DIAPH2: variants seen among roughly 807,000 people sequenced by gnomAD.
DIAPH2 encodes the protein diaphanous related formin 2.
DIAPH2 carries 35 observed loss-of-function variants against 92.7 expected under a neutral mutation model. The ratio of observed to expected loss-of-function variants is 0.38; its 90% confidence interval spans 0.29 to 0.50. The LOEUF (loss-of-function observed/expected upper bound fraction) is 0.50. Ranked by LOEUF, DIAPH2 falls within the 20% of genes least tolerant of loss-of-function variation. DIAPH2 has a pLI of 0.94. For missense variants in DIAPH2, 701 were observed against 819.5 expected (o/e 0.86, Z 1.77); for synonymous variants, 301 against 280.4 (o/e 1.07, Z -0.73).
intron 26 of DIAPH2, among the ~76,000 whole-genome samples, chrX:97,451,970 A>AGTAAAAT (rs926487341): frequency 8.9e-6 from 1 of 111,745 alleles, no homozygotes; most frequent in African/African-American, 3.2e-5. Context: ...ATGCTATTGT[A>AGTAAAAT]GTAAAATTTT....
intron 26 of DIAPH2, among the ~76,000 whole-genome samples, chrX:97,501,168 C>T (rs1220339378): frequency 1.8e-5 from 2 of 109,706 alleles, no homozygotes; most frequent in Admixed American, 2.0e-4. Context: ...ACTCTTTTTA[C>T]GTACAGAGCT....
In DIAPH2 at chrX:97,543,236, C is replaced by T. The variant is rs368843364; in HGVS notation, c.3242-56017C>T. On this transcript the variant is annotated intron_variant, in intron 26 of 26. Transcript: ENST00000324765. ...AAGGGAGCTCAGGCTTCTTACATGG[C>T]GCATGTAATGTTCCAAGAAGTCAAG... 2.8e-4 allele frequency among the ~76,000 whole-genome samples: 31 copies of T among 111,805 alleles called. No individual in the cohort carries two copies. The South Asian group carries it at 5.3e-3, about 19-fold the overall frequency.
Position 97,600,711 on chromosome X carries a change from T to TAAGA in DIAPH2, c.*1397_*1400dup, listed in dbSNP as rs2071588679. 9.2e-6 allele frequency: 1 copy of TAAGA among 108,528 alleles called. No homozygotes were observed. Among genetic ancestry groups the TAAGA allele is most frequent in the Admixed American group, 1.0e-4 (1 of 9,946 alleles). The allele number at this position is 108,528 out of a possible 1,213,427, so 8.9% of individuals were successfully genotyped here. A position where few individuals can be genotyped will look rare whatever the true frequency, so the allele number is the denominator to read the frequency against. ...TGCAGATGATTGATTGTGATTATTG[T>TAAGA]AAGAAATTTCTTACATGTATATTTC... On this transcript the variant is annotated 3_prime_UTR_variant, in exon 27 of 27. Transcript: ENST00000324765.
chrX:96,712,326 G>A (rs2063923572), intron 1 of DIAPH2, among the ~76,000 whole-genome samples: 1 of 109,406 alleles, frequency 9.1e-6, no homozygotes, highest in African/African-American at 3.3e-5. Flanking sequence ...CTACCAGCTT[G>A]GCTTTTACTT....
intron 15 of DIAPH2, among the ~76,000 whole-genome samples, chrX:96,949,249 C>A (rs904374625): frequency 9.0e-6 from 1 of 110,839 alleles, no homozygotes; most frequent in Non-Finnish European, 1.9e-5. Flanking sequence ...GCTCAAATGG[C>A]CCTGAATATT....
At chrX:97,158,189 C>T (rs978409169) in intron 22 of DIAPH2, among the ~76,000 whole-genome samples, 7 of 111,800 alleles carry the variant, frequency 6.3e-5, no homozygotes, top group Non-Finnish European at 1.1e-4. Context: ...GCTATTTGGA[C>T]GATGATATTT....
intron 4 of DIAPH2, among the ~76,000 whole-genome samples, chrX:96,836,411 G>T (rs1295760531): frequency 9.2e-6 from 1 of 108,230 alleles, no homozygotes; most frequent in African/African-American, 3.4e-5. Flanking sequence ...GTACTCAAAG[G>T]CATATTGATT....
chrX:96,853,589 C>G (rs1451572296), intron 4 of DIAPH2, among the ~76,000 whole-genome samples: 1 of 111,254 alleles, frequency 9.0e-6, no homozygotes, highest in Non-Finnish European at 1.9e-5. Context: ...TATTCAAATA[C>G]ATTCACTTTA....
intron 17 of DIAPH2, among the ~76,000 whole-genome samples, chrX:97,072,237 C>T (rs888057082): frequency 4.5e-5 from 5 of 112,037 alleles, no homozygotes; most frequent in African/African-American, 1.6e-4. Context: ...CTTGGCACTG[C>T]TACTCCTTAC....
chrX:97,076,069 C>A (rs1161550068), intron 19 of DIAPH2, among the ~76,000 whole-genome samples: 1 of 112,361 alleles, frequency 8.9e-6, no homozygotes, highest in Non-Finnish European at 1.9e-5. Context: ...CTATACAGAG[C>A]TGACACATTA....
chrX:97,484,518 T>C (rs766845087), intron 26 of DIAPH2, among the ~76,000 whole-genome samples: 2 of 112,376 alleles, frequency 1.8e-5, no homozygotes, highest in African/African-American at 6.4e-5. Context: ...CTATGGGTTG[T>C]TCATATTGCG....
chrX:97,529,535 T>A (rs760993825), intron 26 of DIAPH2, among the ~76,000 whole-genome samples: 2 of 112,206 alleles, frequency 1.8e-5, no homozygotes, highest in African/African-American at 6.5e-5. Flanking sequence ...TCTGCCCTCA[T>A]ATGTTTTACA....
At chrX:96,930,344 A>G (rs2065611341) in intron 9 of DIAPH2, among the ~76,000 whole-genome samples, 1 of 110,715 alleles carries the variant, frequency 9.0e-6, no homozygotes, top group Non-Finnish European at 1.9e-5. Context: ...TTTATTTTAG[A>G]AGTGTTTATA....
At chrX:96,710,114 C>T (rs1365874948) in intron 1 of DIAPH2, among the ~76,000 whole-genome samples, 1 of 111,019 alleles carries the variant, frequency 9.0e-6, no homozygotes, top group Non-Finnish European at 1.9e-5. Context: ...ATATTTGTAC[C>T]TTGACATTAT....
intron 17 of DIAPH2, among the ~76,000 whole-genome samples, chrX:97,060,819 A>AT (rs2066592205): frequency 8.9e-6 from 1 of 112,342 alleles, no homozygotes; most frequent in Admixed American, 9.4e-5. Flanking sequence ...CTCACAGAAG[A>AT]CGGAGTTTGT....
intron 3 of DIAPH2, among the ~76,000 whole-genome samples, chrX:96,742,084 A>G (rs2064123477): frequency 9.0e-6 from 1 of 111,601 alleles, no homozygotes. Context: ...TGAACTGCTA[A>G]TATTCCCCTC....
chrX:96,748,007 T>C (rs1344955050), intron 3 of DIAPH2, among the ~76,000 whole-genome samples: 1 of 111,710 alleles, frequency 9.0e-6, no homozygotes, highest in African/African-American at 3.3e-5. Context: ...AGACAACATG[T>C]TTTATTTTCT....
intron 26 of DIAPH2, among the ~76,000 whole-genome samples, chrX:97,598,879 C>T (rs2071572786): frequency 8.9e-6 from 1 of 112,105 alleles, no homozygotes; most frequent in Non-Finnish European, 1.9e-5. Context: ...AGATTGAAAA[C>T]TCATGGGGAA....
At chrX:97,320,106 A>AT (rs1269741082) in intron 23 of DIAPH2, among the ~76,000 whole-genome samples, 3 of 105,796 alleles carry the variant, frequency 2.8e-5, no homozygotes, top group Non-Finnish European at 5.8e-5. Context: ...TCTCAAAAAA[A>AT]AAATATATAT....
Sources: gnomAD v4.1 joint callset for allele counts (sites outside exome capture counted in the v4.1 genomes callset) on GRCh38, gnomAD v4.1.1 for gene constraint, MANE v1.5 for transcripts, NCBI Gene and HGNC (gene_info 2026-07-23, HGNC 2026-07-21) for gene names.